NFE2L3: variants seen among roughly 807,000 people sequenced by gnomAD.
The protein encoded by NFE2L3 is nuclear factor erythroid 2-related factor 3.
A neutral mutation model predicts 23.5 loss-of-function variants in NFE2L3; 18 were observed. The ratio of observed to expected loss-of-function variants is 0.77; its 90% confidence interval spans 0.53 to 1.13. NFE2L3 has a LOEUF of 1.13. NFE2L3 is among the 50% of genes most tolerant of loss of function. The pLI, the probability that NFE2L3 is intolerant of heterozygous loss-of-function variation, is 0.00. For synonymous variants in NFE2L3, 424 were observed against 354.5 expected (o/e 1.20, Z -2.20); for missense variants, 1,152 against 877.2 (o/e 1.31, Z -3.96).
chr7:26,177,287 A>T (rs559106676), intron 1 of NFE2L3, among the ~76,000 whole-genome samples: 16 of 152,304 alleles, frequency 1.1e-4, no homozygotes, highest in African/African-American at 3.1e-4. Context: ...AGATCATGCC[A>T]CTGCACTCCA....
rs1160410889 is a variant in NFE2L3, at chr7:26,161,348, TTTTTTTTTTTTTTTTTG to T, written c.570+8281_570+8297del. Reference sequence around the variant, plus strand: ...TAGCTTCTCTCTCTTTTTTTTTTTTTTTTTTTTTTTTTTTTTGGGTCTTACCTTTCTTTAGAGTTTCT... The same window carrying T: ...TAGCTTCTCTCTCTTTTTTTTTTTTTGGTCTTACCTTTCTTTAGAGTTTCT... On this transcript the variant is annotated intron_variant, in intron 1 of 3. Transcript: ENST00000056233. Among the ~76,000 whole-genome samples, 826 of 98,962 alleles carry T rather than the reference TTTTTTTTTTTTTTTTTG, an allele frequency of 8.3e-3. 12 individuals carry two copies. Among genetic ancestry groups the T allele is most frequent in the African/African-American group, 0.036 (789 of 21,846 alleles). 64.9% of individuals were successfully genotyped at this position (98,962 alleles called of 152,430 possible).
At chr7:26,161,368 TCTTAC>T (rs1784170562) in intron 1 of NFE2L3, among the ~76,000 whole-genome samples, 5 of 117,956 alleles carry the variant, frequency 4.2e-5, no homozygotes, top group African/African-American at 1.7e-4. Context: ...TTTTTTTGGG[TCTTAC>T]CTTTCTTTAG....
intron 3 of NFE2L3, chr7:26,184,259 CAAGATTGT>C: frequency 2.5e-6 from 1 of 404,220 alleles, no homozygotes; most frequent in Admixed American, 4.2e-5. Context: ...TAGCAAATTA[CAAGATTGT>C]AACATTAGAC....
intron 1 of NFE2L3, 47 bp downstream of exon 1, chr7:26,153,115 G>A: frequency 6.7e-7 from 1 of 1,482,250 alleles, no homozygotes; most frequent in Non-Finnish European, 8.9e-7. Context: ...CTACGCCGCC[G>A]GGAGCCCCCG....
intron 1 of NFE2L3, among the ~76,000 whole-genome samples, chr7:26,177,557 A>C (rs1364055097): frequency 6.6e-6 from 1 of 152,218 alleles, no homozygotes; most frequent in Non-Finnish European, 1.5e-5. Flanking sequence ...AGATCACGGC[A>C]GTAGAGTCCA....
chr7:26,184,369 C>A (rs1263800457), intron 3 of NFE2L3, 164 bp from the exon 4 acceptor site: 1 of 599,948 alleles, frequency 1.7e-6, no homozygotes, highest in Non-Finnish European at 2.9e-6. Flanking sequence ...ACTCACATCT[C>A]GTATTGTATT....
At position 26,152,700 on chromosome 7, in the gene NFE2L3, T is replaced by G; in HGVS notation, c.202T>G (p.Trp68Gly). 6.8e-7 allele frequency: 1 copy of G among 1,476,488 alleles called. No individual in the cohort carries two copies. Among genetic ancestry groups the G allele is most frequent in the Non-Finnish European group, 8.9e-7 (1 of 1,121,106 alleles). The allele number at this position is 1,476,488 out of a possible 1,614,324, so 91.5% of individuals were successfully genotyped here. ...CAGCCCCTTCTCGGCCTCGGGAGGG[T>G]GGGGGCGCGCGGGCCACTTGCACCC... ...ALSPFSASGGWGRAGHLHPKG... is the reference protein window; with the variant it reads ...ALSPFSASGGGGRAGHLHPKG... Residue 68 changes from tryptophan to glycine, a missense_variant, in exon 1 of 4, where the codon TGG becomes GGG. By Grantham distance (184) the Trp-to-Gly change is radical. Transcript: ENST00000056233. This position sits in a 1 kb window ranked among gnomAD's most constrained non-coding sequence, Gnocchi z 4.4.
intron 1 of NFE2L3, among the ~76,000 whole-genome samples, chr7:26,172,380 G>C (rs1015533382): frequency 1.3e-5 from 2 of 152,154 alleles, no homozygotes; most frequent in African/African-American, 4.8e-5. Flanking sequence ...ATGTCTCTCT[G>C]TATACATATG....
At position 26,163,407 on chromosome 7, in the gene NFE2L3, C is replaced by T. The variant is rs1386126934; in HGVS notation, c.570+10339C>T. On this transcript the variant is annotated intron_variant, in intron 1 of 3. Transcript: ENST00000056233. ...TGTTGCCCAGGCTGGGGTGCAATGG[C>T]GCGATCTCAGCTCACTGCAACCTCC... Among the ~76,000 whole-genome samples, 4 of 152,258 alleles carry T rather than the reference C, an allele frequency of 2.6e-5. No homozygotes were observed. In the East Asian group the frequency reaches 5.8e-4, roughly 22 times the overall value.
chr7:26,156,553 C>A (rs1222624755), intron 1 of NFE2L3, among the ~76,000 whole-genome samples: 2 of 152,214 alleles, frequency 1.3e-5, no homozygotes, highest in Non-Finnish European at 2.9e-5. Flanking sequence ...CGCTTCCCTT[C>A]ATAACCACAG....
At chr7:26,181,215 A>C (rs1343639487) in intron 2 of NFE2L3, among the ~76,000 whole-genome samples, 3 of 152,106 alleles carry the variant, frequency 2.0e-5, no homozygotes, top group Non-Finnish European at 1.5e-5. Flanking sequence ...GGGCTCAAGC[A>C]ATCTGCCCAC....
intron 3 of NFE2L3, 92 bp downstream of exon 3, chr7:26,183,876 C>A: frequency 1.2e-6 from 1 of 834,168 alleles, no homozygotes; most frequent in Non-Finnish European, 2.1e-6. Context: ...GATGACACAG[C>A]AGTTTAAAGT....
Position 26,185,590 on chromosome 7 carries a change from T to C in NFE2L3, c.1892T>C (p.Ile631Thr), listed in dbSNP as rs761053956. The C allele has an allele frequency of 6.2e-7, 1 of 1,613,818 alleles. No individual in the cohort carries two copies. Among genetic ancestry groups the C allele is most frequent in the Non-Finnish European group, 8.5e-7 (1 of 1,179,818 alleles). Residue 631 changes from isoleucine to threonine, a missense_variant, in exon 4 of 4, where the codon ATT (isoleucine) becomes ACT (threonine). Coordinates refer to ENST00000056233, the MANE Select transcript of NFE2L3 (RefSeq NM_004289.7). ...KREQAQCNKA[I>T]NIMKQKLHDL... ...GAGCAAGCACAATGTAACAAAGCTA[T>C]TAACATAATGAAACAGAAACTGCAT...
chr7:26,185,726 C>T lies in NFE2L3; in HGVS notation c.2028C>T (p.Pro676=). Residue 676 remains proline (P), a synonymous_variant, in exon 4 of 4, where the codon CCC becomes CCT. Transcript: ENST00000056233. ...ATGATGGAAGTATCTTGATAGTACCCAAAGAACTGGTGGCCTCAGGCCACA... is the reference window on the plus strand; with the variant it reads ...ATGATGGAAGTATCTTGATAGTACCTAAAGAACTGGTGGCCTCAGGCCACA... ...CTHDGSILIV[P]KELVASGHKK... 1.2e-6 allele frequency: 2 copies of T among 1,607,996 alleles called. No homozygotes were observed. The highest frequency in any genetic ancestry group is 1.3e-5 in the African/African-American group (1 of 74,656).
At chr7:26,175,302 G>C (rs897663992) in intron 1 of NFE2L3, among the ~76,000 whole-genome samples, 2 of 152,036 alleles carry the variant, frequency 1.3e-5, no homozygotes, top group Non-Finnish European at 2.9e-5. Context: ...GGAGCCTGCC[G>C]TGAGCCGAGA....
intron 1 of NFE2L3, among the ~76,000 whole-genome samples, chr7:26,162,162 C>A (rs564122830): frequency 6.7e-6 from 1 of 150,166 alleles, no homozygotes; most frequent in African/African-American, 2.5e-5. Context: ...AAAAAAAATT[C>A]ATTCTTCAGT....
rs1396412062 is a variant in NFE2L3 at position 26,177,116 on chromosome 7, G to GAT, written c.571-827_571-826insAT. On this transcript the variant is annotated intron_variant, in intron 1 of 3. Transcript: ENST00000056233. ...CAGAGGCGCTCCTCACATCCCAGAC[G>GAT]GGGTGGCCGGGCAGAGGCGCTCCTT... 5.8e-5 allele frequency among the ~76,000 whole-genome samples: 7 copies of GAT among 121,466 alleles called. 1 individual carries two copies. The highest frequency in any genetic ancestry group is 1.6e-4 in the Admixed American group (2 of 12,870). The allele number at this position is 121,466 out of a possible 152,430, so 79.7% of individuals were successfully genotyped here.
chr7:26,180,815 C>T (rs1335997626), intron 2 of NFE2L3, among the ~76,000 whole-genome samples: 1 of 152,162 alleles, frequency 6.6e-6, no homozygotes, highest in African/African-American at 2.4e-5. Flanking sequence ...TGACATAGGA[C>T]AAACATCAAT....
intron 1 of NFE2L3, among the ~76,000 whole-genome samples, chr7:26,172,510 G>T (rs1784341406): frequency 6.6e-6 from 1 of 152,092 alleles, no homozygotes; most frequent in South Asian, 2.1e-4. Context: ...TGAATGTAAG[G>T]CTACTATCTA....
Sources: allele counts gnomAD v4.1 joint callset (sites outside exome capture counted in the v4.1 genomes callset), GRCh38; gene constraint gnomAD v4.1.1; non-coding constraint Gnocchi (gnomAD v3.1); transcripts MANE v1.5; gene names NCBI Gene and HGNC (gene_info 2026-07-23, HGNC 2026-07-21).